NKAIN2: variants seen among roughly 807,000 people sequenced by gnomAD.
The protein encoded by NKAIN2 is sodium/potassium-transporting ATPase subunit beta-1-interacting protein 2.
A neutral mutation model predicts 32.6 loss-of-function variants in NKAIN2; 14 were observed. The observed-to-expected ratio is 0.43, with a 90% CI of 0.28 to 0.67. NKAIN2 has a LOEUF of 0.67. Among genes scored for constraint, NKAIN2 ranks in the 30% least tolerant of loss-of-function variants. The probability of loss-of-function intolerance (pLI) is 0.17; values close to 1 mark genes in which losing one functional copy is unlikely to be tolerated. For missense variants in NKAIN2, 198 were observed against 258.3 expected (o/e 0.77, Z 1.60); for synonymous variants, 80 against 87.2 (o/e 0.92, Z 0.46).
At chr6:123,861,066 A>C (rs753263508) in intron 1 of NKAIN2, among the ~76,000 whole-genome samples, 3 of 152,200 alleles carry the variant, frequency 2.0e-5, no homozygotes, top group South Asian at 2.1e-4. Flanking sequence ...TGGGCTCCCA[A>C]ATCTGTGTTC....
chr6:124,804,993 G>T (rs1318753338), intron 5 of NKAIN2, among the ~76,000 whole-genome samples: 6 of 152,226 alleles, frequency 3.9e-5, no homozygotes, highest in Non-Finnish European at 5.9e-5. Context: ...CAGCCGGGAA[G>T]CTCGAACTGG....
intron 1 of NKAIN2, among the ~76,000 whole-genome samples, chr6:124,223,532 T>C (rs963714307): frequency 7.9e-5 from 12 of 152,150 alleles, no homozygotes; most frequent in African/African-American, 2.9e-4. Flanking sequence ...ACTGCTATTG[T>C]AGAGGCATTG....
intron 1 of NKAIN2, among the ~76,000 whole-genome samples, chr6:124,034,994 C>G (rs1015289188): frequency 1.3e-5 from 2 of 151,976 alleles, no homozygotes; most frequent in African/African-American, 4.8e-5. Context: ...CTTACTTTCT[C>G]TGAGACAAAC....
intron 3 of NKAIN2, among the ~76,000 whole-genome samples, chr6:124,456,228 AC>A (rs1330171504): frequency 6.6e-6 from 1 of 151,854 alleles, no homozygotes; most frequent in African/African-American, 2.4e-5. Context: ...TCTCTCACAG[AC>A]CAGTGGGAAG....
chr6:124,405,714 C>A (rs1773827198), intron 3 of NKAIN2, among the ~76,000 whole-genome samples: 1 of 151,906 alleles, frequency 6.6e-6, no homozygotes, highest in Admixed American at 6.6e-5. Flanking sequence ...ATTAGGAAAC[C>A]CAAGTGAATT....
chr6:124,134,404 T>C (rs2114284098), intron 1 of NKAIN2, among the ~76,000 whole-genome samples: 1 of 152,178 alleles, frequency 6.6e-6, no homozygotes, highest in South Asian at 2.1e-4. Context: ...ATTGGTGTTC[T>C]TAAGGGCACG....
chr6:123,884,816 C>T (rs1582712695), intron 1 of NKAIN2, among the ~76,000 whole-genome samples: 2 of 151,826 alleles, frequency 1.3e-5, no homozygotes, highest in South Asian at 4.2e-4. Flanking sequence ...CTCTATTTTA[C>T]CCTAGATTAC....
At chr6:124,311,357 G>T (rs939162601) in intron 2 of NKAIN2, among the ~76,000 whole-genome samples, 3 of 152,056 alleles carry the variant, frequency 2.0e-5, no homozygotes, top group Admixed American at 6.6e-5. Context: ...CAAACTCTCC[G>T]CATTTAATAG....
intron 1 of NKAIN2, among the ~76,000 whole-genome samples, chr6:124,209,081 T>C (rs1791041081): frequency 6.6e-6 from 1 of 151,584 alleles, no homozygotes; most frequent in South Asian, 2.1e-4. Flanking sequence ...CCTAACTGTA[T>C]TCTTACATCC....
chr6:124,293,395 T>G (rs1273989426), intron 2 of NKAIN2, among the ~76,000 whole-genome samples: 1 of 152,066 alleles, frequency 6.6e-6, no homozygotes, highest in East Asian at 1.9e-4. Flanking sequence ...GCAATTAATT[T>G]ATAGCTTTTT....
intron 4 of NKAIN2, among the ~76,000 whole-genome samples, chr6:124,687,953 T>C (rs1306667611): frequency 6.6e-6 from 1 of 151,810 alleles, no homozygotes; most frequent in African/African-American, 2.4e-5. Flanking sequence ...TTATCACTGA[T>C]TAATTCTTCT....
chr6:124,534,377 C>G (rs144394932), intron 3 of NKAIN2, among the ~76,000 whole-genome samples: 1 of 152,184 alleles, frequency 6.6e-6, no homozygotes, highest in African/African-American at 2.4e-5. Context: ...TCTTGAACTC[C>G]TGGCCTCAAG....
intron 1 of NKAIN2, among the ~76,000 whole-genome samples, chr6:123,909,284 CTT>C (rs1775043951): frequency 6.6e-6 from 1 of 152,166 alleles, no homozygotes; most frequent in South Asian, 2.1e-4. Flanking sequence ...CACACACACT[CTT>C]GTCCCCTCTA....
At chr6:124,609,382 G>C (rs950685067) in intron 3 of NKAIN2, among the ~76,000 whole-genome samples, 2 of 151,842 alleles carry the variant, frequency 1.3e-5, no homozygotes, top group Non-Finnish European at 2.9e-5. Context: ...CCCTGGAATT[G>C]TTTGATAGGA....
chr6:124,721,399 G>A (rs1382932413), intron 4 of NKAIN2, among the ~76,000 whole-genome samples: 2 of 110,490 alleles, frequency 1.8e-5, no homozygotes, highest in Non-Finnish European at 3.6e-5. Flanking sequence ...ACGAGACTCC[G>A]TCTCAAAAAA....
intron 3 of NKAIN2, among the ~76,000 whole-genome samples, chr6:124,419,156 C>T (rs900371081): frequency 1.1e-4 from 17 of 152,090 alleles, no homozygotes; most frequent in Admixed American, 6.6e-5. Context: ...TTCACTTTCT[C>T]TCTCTCCCTC....
At chr6:124,046,466 T>C (rs1191953251) in intron 1 of NKAIN2, among the ~76,000 whole-genome samples, 2 of 152,022 alleles carry the variant, frequency 1.3e-5, no homozygotes, top group Non-Finnish European at 2.9e-5. Context: ...AATAAACTTA[T>C]TTAACTTTGC....
chr6:124,122,465 G>A (rs561208276), intron 1 of NKAIN2, among the ~76,000 whole-genome samples: 7 of 152,098 alleles, frequency 4.6e-5, no homozygotes, highest in South Asian at 2.1e-4. Flanking sequence ...ATAGGCTATC[G>A]TTTTAAAGGA....
intron 1 of NKAIN2, among the ~76,000 whole-genome samples, chr6:124,195,584 A>G (rs1395814697): frequency 1.3e-5 from 2 of 152,238 alleles, no homozygotes; most frequent in East Asian, 3.9e-4. Flanking sequence ...AGATTTGTCC[A>G]AAGGCAGTGA....
Sources: gnomAD v4.1 joint callset for allele counts (sites outside exome capture counted in the v4.1 genomes callset) on GRCh38, gnomAD v4.1.1 for gene constraint, MANE v1.5 for transcripts, NCBI Gene and HGNC (gene_info 2026-07-23, HGNC 2026-07-21) for gene names.